The following IKBKE variants were observed in gnomAD, a reference collection of about 807,000 sequenced individuals.
The protein encoded by IKBKE is inhibitor of nuclear factor kappa-B kinase subunit epsilon.
Under a neutral mutation model 92.1 loss-of-function variants are expected in IKBKE, and 45 were observed. That is an observed-to-expected ratio of 0.49 (90% CI 0.38 to 0.63). The LOEUF (loss-of-function observed/expected upper bound fraction) is 0.63. Among genes scored for constraint, IKBKE ranks in the 20% least tolerant of loss-of-function variants. The pLI is 0.00. For missense variants in IKBKE, 700 were observed against 932.8 expected, an observed-to-expected ratio of 0.75 and a Z score of 3.25; for synonymous variants, 374 against 380.3, an observed-to-expected ratio of 0.98 and a Z score of 0.19.
In IKBKE at chr1:206,485,343, G is replaced by A. The variant is rs781939648; in HGVS notation, c.1616+37G>A. The A allele has an allele frequency of 1.3e-5, 17 of 1,273,290 alleles. No individual in the cohort carries two copies. The highest frequency in any genetic ancestry group is 1.8e-5 in the Non-Finnish European group (16 of 870,436). 78.9% of individuals were successfully genotyped at this position (1,273,290 alleles called of 1,614,324 possible). On this transcript the variant is annotated intron_variant, in intron 15 of 21. Transcript: ENST00000581977. The surrounding 1 kb of genome is among the most constrained non-coding windows in gnomAD (Gnocchi z 5.0). The stretch of plus-strand genomic sequence containing the variant: ...TTTCCTTCTTTGTGGGGTGGGAGTG[G>A]GGGAGTGGGCAGCTCCAAAGGTCCA...
At chr1:206,489,396 TATATAC>T (rs1277425934) in intron 16 of IKBKE, among the ~76,000 whole-genome samples, 20 of 124,120 alleles carry the variant, frequency 1.6e-4, no homozygotes, top group African/African-American at 4.3e-4. Flanking sequence ...TATATATATA[TATATAC>T]ACACACACAC....
chr1:206,493,954 G>A lies in IKBKE; in HGVS notation c.2080G>A (p.Ala694Thr). 1 of 1,614,112 alleles carries A rather than the reference G, an allele frequency of 6.2e-7. No individual in the cohort carries two copies. The highest frequency in any genetic ancestry group is 8.5e-7 in the Non-Finnish European group (1 of 1,179,972). The part of the protein sequence containing the change: ...QELCEGMKLL[A>T]SDLLDNNRII... ...GCTCTGCGAGGGGATGAAGCTGCTG[G>A]CATCTGACCTCCTGGACAACAACCG... Residue 694 changes from alanine (A) to threonine (T), a missense_variant, in exon 21 of 22, where the codon GCA becomes ACA. Ala to Thr is a moderately conservative substitution (Grantham distance 58). Transcript: ENST00000581977.
chr1:206,496,317 G>A lies in IKBKE; in HGVS notation c.*172G>A, dbSNP rs1369384619. 11 of 631,268 alleles carry A rather than the reference G, an allele frequency of 1.7e-5. No homozygotes were observed. Among genetic ancestry groups the A allele is most frequent in the Non-Finnish European group, 2.3e-5 (8 of 348,536 alleles). The allele number at this position is 631,268 out of a possible 1,614,324, so 39.1% of individuals were successfully genotyped here. ...TACCTTCCACTGCCTTTCTCCCTGG[G>A]AAGCAGCACAGCTGAGACTGGGCAC... On this transcript the variant is annotated 3_prime_UTR_variant, in exon 22 of 22. Transcript: ENST00000581977.
Position 206,493,257 on chromosome 1 carries a change from TC to T in IKBKE, c.1933-6del. Reference sequence around the variant, plus strand: ...ACTAATTGCTGACCAAAGTATGGCTTCCCTGCAGCTCCTGGAAGAGCTATCT... The same window carrying T: ...ACTAATTGCTGACCAAAGTATGGCTTCCTGCAGCTCCTGGAAGAGCTATCT... On this transcript the variant is annotated splice_region_variant and splice_polypyrimidine_tract_variant and intron_variant, in intron 19 of 21. Coordinates refer to ENST00000581977, the MANE Select transcript of IKBKE (RefSeq NM_014002.4). 1 of 1,611,662 alleles carries T rather than the reference TC, an allele frequency of 6.2e-7. No homozygotes were observed. The highest frequency in any genetic ancestry group is 8.5e-7 in the Non-Finnish European group (1 of 1,177,902).
intron 16 of IKBKE, 145 bp downstream of exon 16, chr1:206,488,135 T>A: frequency 1.5e-6 from 1 of 660,708 alleles, no homozygotes; most frequent in African/African-American, 1.8e-5. Context: ...GGAGGCCCAC[T>A]AAGCGGATGG....
At chr1:206,472,651 C>T (rs1664842139) in intron 2 of IKBKE, among the ~76,000 whole-genome samples, 1 of 152,002 alleles carries the variant, frequency 6.6e-6, no homozygotes, top group Non-Finnish European at 1.5e-5. Context: ...AGTACTGGCC[C>T]GGCTGTCAGC....
Position 206,496,441 on chromosome 1 carries a change from C to A in IKBKE, c.*296C>A. On this transcript the variant is annotated 3_prime_UTR_variant, in exon 22 of 22. Coordinates refer to ENST00000581977, the MANE Select transcript of IKBKE (RefSeq NM_014002.4). ...GGCTCAGGTACTGCTCCTCCATGCC[C>A]ATGGCTGGGCCGTGGGGAGAAGAAG... The A allele has an allele frequency of 2.3e-6, 1 of 439,648 alleles. No individual in the cohort carries two copies. Among genetic ancestry groups the A allele is most frequent in the Admixed American group, 3.9e-5 (1 of 25,710 alleles). The allele number at this position is 439,648 out of a possible 1,614,324, so 27.2% of individuals were successfully genotyped here. A position where few individuals can be genotyped will look rare whatever the true frequency, so the allele number is the denominator to read the frequency against.
chr1:206,480,099 G>C lies in IKBKE; in HGVS notation c.1326G>C (p.Gly442=). The part of the protein sequence containing the change: ...LLDGQELMFR[G]LHWVMEVLQA... ...ATGGGCAGGAGCTAATGTTTCGGGG[G>C]CTGCACTGGGTCATGTGAGTAATCA... Residue 442 remains glycine, a synonymous_variant, in exon 12 of 22, where the codon GGG becomes GGC. Transcript: ENST00000581977. 2 of 1,582,512 alleles carry C rather than the reference G, an allele frequency of 1.3e-6. No individual in the cohort carries two copies. The highest frequency in any genetic ancestry group is 1.7e-6 in the Non-Finnish European group (2 of 1,166,718).
Position 206,475,005 on chromosome 1 carries a change from C to A in IKBKE, c.358+11C>A. The A allele has an allele frequency of 6.2e-7, 1 of 1,613,450 alleles. No homozygotes were observed. The highest frequency in any genetic ancestry group is 1.1e-5 in the South Asian group (1 of 91,034). On this transcript the variant is annotated intron_variant, in intron 5 of 21. Transcript: ENST00000581977. ...TGCTGCGCTGTGTGGGTGAGCCCCTCCCTGTCCCTGCCTCCACCCTCAGAC... is the reference window on the plus strand; with the variant it reads ...TGCTGCGCTGTGTGGGTGAGCCCCTACCTGTCCCTGCCTCCACCCTCAGAC...
Position 206,478,791 on chromosome 1 carries a change from C to A in IKBKE, c.993-152C>A. On this transcript the variant is annotated intron_variant, in intron 9 of 21. Coordinates refer to ENST00000581977, the MANE Select transcript of IKBKE (RefSeq NM_014002.4). The surrounding 1 kb of genome is among the most constrained non-coding windows in gnomAD (Gnocchi z 4.8). ...TGAACTCTCCCCTTGGTCTCTCCAC[C>A]CTTGATGACAGAGAAAACCACCCCC... 4.3e-6 allele frequency: 3 copies of A among 690,818 alleles called. No homozygotes were observed. Among genetic ancestry groups the A allele is most frequent in the Non-Finnish European group, 7.8e-6 (3 of 386,058 alleles). 42.8% of individuals were successfully genotyped at this position (690,818 alleles called of 1,614,324 possible).
rs1665745481 is a variant in IKBKE, at chr1:206,487,842, C to A, written c.1617-72C>A. 7.9e-7 allele frequency: 1 copy of A among 1,266,424 alleles called. No individual in the cohort carries two copies. Among genetic ancestry groups the A allele is most frequent in the Non-Finnish European group, 1.1e-6 (1 of 881,932 alleles). The allele number at this position is 1,266,424 out of a possible 1,614,324, so 78.4% of individuals were successfully genotyped here. A position where few individuals can be genotyped will look rare whatever the true frequency, so the allele number is the denominator to read the frequency against. On this transcript the variant is annotated intron_variant, in intron 15 of 21. Coordinates refer to ENST00000581977, the MANE Select transcript of IKBKE (RefSeq NM_014002.4). The surrounding 1 kb of genome is among the most constrained non-coding windows in gnomAD (Gnocchi z 5.3). Reference sequence around the variant, plus strand: ...GCTCCTCCCCTATTCCACTGCCACCCTTCCCCTCCCTCCCTCTTTCCTCTG... The same window carrying A: ...GCTCCTCCCCTATTCCACTGCCACCATTCCCCTCCCTCCCTCTTTCCTCTG...
Position 206,487,841 on chromosome 1 carries a change from C to T in IKBKE, c.1617-73C>T, listed in dbSNP as rs1665745326. On this transcript the variant is annotated intron_variant, in intron 15 of 21. Coordinates refer to ENST00000581977, the MANE Select transcript of IKBKE (RefSeq NM_014002.4). This position sits in a 1 kb window ranked among gnomAD's most constrained non-coding sequence, Gnocchi z 5.3. ...GGCTCCTCCCCTATTCCACTGCCAC[C>T]CTTCCCCTCCCTCCCTCTTTCCTCT... 8.0e-7 allele frequency: 1 copy of T among 1,252,580 alleles called. No individual in the cohort carries two copies. Among genetic ancestry groups the T allele is most frequent in the Non-Finnish European group, 1.1e-6 (1 of 870,054 alleles). 77.6% of individuals were successfully genotyped at this position (1,252,580 alleles called of 1,614,324 possible).
chr1:206,472,165 T>A (rs1553383974), intron 2 of IKBKE, among the ~76,000 whole-genome samples: 7 of 152,166 alleles, frequency 4.6e-5, no homozygotes, highest in Non-Finnish European at 1.0e-4. Context: ...TTGGGAGGAT[T>A]GCTTGAGCCC....
Position 206,477,794 on chromosome 1 carries a change from C to T in IKBKE, c.747C>T (p.Ala249=). The T allele has an allele frequency of 6.4e-7, 1 of 1,570,340 alleles. No homozygotes were observed. The highest frequency in any genetic ancestry group is 1.7e-4 in the Middle Eastern group (1 of 5,998). ...AGCCGGCTGGGGCCATTGCAGGTGC[C>T]CAGAGGCGGGAGAACGGGCCCCTGG... ...TEKPAGAIAG[A]QRRENGPLEW... Residue 249 remains alanine, a synonymous_variant, in exon 8 of 22, where the codon GCC becomes GCT. Transcript: ENST00000581977.
intron 17 of IKBKE, 36 bp from the exon 18 acceptor site, chr1:206,491,612 G>T (rs781868267): frequency 2.1e-6 from 3 of 1,462,250 alleles, no homozygotes; most frequent in Non-Finnish European, 2.9e-6. Flanking sequence ...AGTGGTTCTG[G>T]CAGCTCATCT....
Position 206,480,509 on chromosome 1 carries a change from TCAGCAG to T in IKBKE, c.1408_1413del (p.Ser470_Ser471del). 1 of 1,613,650 alleles carries T rather than the reference TCAGCAG, an allele frequency of 6.2e-7. No homozygotes were observed. Among genetic ancestry groups the T allele is most frequent in the Non-Finnish European group, 8.5e-7 (1 of 1,179,808 alleles). ...GTGGCAAGGACATCCCTCCTCTACC[TCAGCAG>T]CAGCCTGGGAACTGAGAGGTGGGTG... On this transcript the variant is annotated inframe_deletion, in exon 13 of 22. Coordinates refer to ENST00000581977, the MANE Select transcript of IKBKE (RefSeq NM_014002.4).
At chr1:206,475,213 G>C (rs1558473327) in intron 5 of IKBKE, 5 of 543,460 alleles carry the variant, frequency 9.2e-6, no homozygotes, top group Non-Finnish European at 1.6e-5. Context: ...AATGTGGGAG[G>C]TACCTAAAAT....
At chr1:206,479,798 C>T in intron 10 of IKBKE, 72 bp from the exon 11 acceptor site, 1 of 1,488,048 alleles carries the variant, frequency 6.7e-7, no homozygotes, top group Non-Finnish European at 9.3e-7. Context: ...TGAGTGTGAG[C>T]TGGAAATAAT....
chr1:206,475,552 C>T lies in IKBKE; in HGVS notation c.358+558C>T, dbSNP rs41296020. ...GGGTTTGAGACCAGTCTGGCGAACA[C>T]GGTGAAACCCTGTCTCTACTAAAAA... is the stretch of plus-strand genomic sequence containing the variant. On this transcript the variant is annotated intron_variant, in intron 5 of 21. Coordinates refer to ENST00000581977, the MANE Select transcript of IKBKE (RefSeq NM_014002.4). Among the ~76,000 whole-genome samples, 1,400 of 152,116 alleles carry T rather than the reference C, an allele frequency of 9.2e-3. 16 individuals are homozygous for T. The highest frequency in any genetic ancestry group is 0.032 in the African/African-American group (1,335 of 41,472).
Sources: allele counts gnomAD v4.1 joint callset (sites outside exome capture counted in the v4.1 genomes callset), GRCh38; gene constraint gnomAD v4.1.1; non-coding constraint Gnocchi (gnomAD v3.1); transcripts MANE v1.5; gene names NCBI Gene and HGNC (gene_info 2026-07-23, HGNC 2026-07-21).